The following CDC42SE2 variants were observed in gnomAD, a reference collection of about 807,000 sequenced individuals.
CDC42SE2 encodes the protein CDC42 small effector protein 2.
In CDC42SE2, 3 loss-of-function variants were observed where a neutral mutation model predicts 11.5. The ratio of observed to expected loss-of-function variants is 0.26; its 90% confidence interval spans 0.12 to 0.67. The LOEUF (loss-of-function observed/expected upper bound fraction) is 0.67, where lower values mean the gene tolerates loss of function less well. Ranked by LOEUF, CDC42SE2 falls within the 30% of genes least tolerant of loss-of-function variation. The pLI is 0.80. For synonymous variants in CDC42SE2, 33 were observed against 34.8 expected (o/e 0.95, Z 0.18); for missense variants, 82 against 106.8 (o/e 0.77, Z 1.02).
the CDC42SE2 span, among the ~76,000 whole-genome samples, chr5:131,214,176 C>T: frequency 1.3e-5 from 2 of 151,974 alleles, no homozygotes; most frequent in African/African-American, 4.8e-5. Flanking sequence ...AAGAAATAAC[C>T]AGGTATGAAA....
intron 1 of CDC42SE2, among the ~76,000 whole-genome samples, chr5:131,298,691 C>T (rs745384524): frequency 6.6e-6 from 1 of 151,674 alleles, no homozygotes; most frequent in Non-Finnish European, 1.5e-5. Context: ...TCTTTGGTAC[C>T]CCATAACAAG....
Position 131,289,838 on chromosome 5 carries a change from CT to C in CDC42SE2, c.-455+25683del, listed in dbSNP as rs879873763. Among the ~76,000 whole-genome samples the C allele has an allele frequency of 7.2e-3, 1,060 of 147,656 alleles. 8 individuals carry two copies. Among genetic ancestry groups the C allele is most frequent in the African/African-American group, 0.016 (661 of 40,542 alleles). ...AACTTGAGATGAATAAGAGAAATGACTTTTTTTTTTTCCTTCTTAGAAACAG... is the reference window on the plus strand; with the variant it reads ...AACTTGAGATGAATAAGAGAAATGACTTTTTTTTTTCCTTCTTAGAAACAG... On this transcript the variant is annotated intron_variant, in intron 1 of 4. Transcript: ENST00000505065.
At chr5:131,297,282 TCTTCTC>T (rs1461976686) in intron 1 of CDC42SE2, among the ~76,000 whole-genome samples, 1 of 152,084 alleles carries the variant, frequency 6.6e-6, no homozygotes, top group Non-Finnish European at 1.5e-5. Flanking sequence ...TTAGTTCCAT[TCTTCTC>T]CATTGTTTTT....
intron 3 of CDC42SE2, among the ~76,000 whole-genome samples, chr5:131,380,535 A>G (rs1260636784): frequency 6.6e-6 from 1 of 152,226 alleles, no homozygotes; most frequent in African/African-American, 2.4e-5. Flanking sequence ...TTTATAGTTT[A>G]GAATATTTAT....
chr5:131,349,479 T>TAA (rs968928299), intron 2 of CDC42SE2, among the ~76,000 whole-genome samples: 2 of 152,216 alleles, frequency 1.3e-5, no homozygotes, highest in African/African-American at 4.8e-5. Flanking sequence ...CACTAGTACT[T>TAA]AAAGTATAAT....
chr5:131,247,141 T>G (rs1345943541), intron 1 of CDC42SE2, among the ~76,000 whole-genome samples: 3 of 152,170 alleles, frequency 2.0e-5, no homozygotes, highest in Non-Finnish European at 2.9e-5. Flanking sequence ...TAGTAGTACC[T>G]TTTATTGAGA....
the CDC42SE2 span, among the ~76,000 whole-genome samples, chr5:131,217,961 G>T: frequency 6.6e-6 from 1 of 152,128 alleles, no homozygotes; most frequent in Non-Finnish European, 1.5e-5. Flanking sequence ...GATTGCTTAA[G>T]CTGAGGAGTT....
chr5:131,353,038 G>T (rs151009522), intron 2 of CDC42SE2, among the ~76,000 whole-genome samples: 1 of 152,052 alleles, frequency 6.6e-6, no homozygotes, highest in African/African-American at 2.4e-5. Context: ...GCGTCTTGGT[G>T]TACTGCAGCC....
chr5:131,354,603 G>C (rs1275007728), intron 2 of CDC42SE2: 1 of 152,008 alleles, frequency 6.6e-6, no homozygotes, highest in Non-Finnish European at 1.5e-5. Flanking sequence ...ATTTTGTTTT[G>C]TGTAAAACCA....
chr5:131,293,018 T>C (rs1434190301), intron 1 of CDC42SE2, among the ~76,000 whole-genome samples: 1 of 151,418 alleles, frequency 6.6e-6, no homozygotes, highest in African/African-American at 2.4e-5. Context: ...ATTTTGATAA[T>C]ACTACTTGCA....
chr5:131,251,834 G>T (rs1414934620), intron 1 of CDC42SE2, among the ~76,000 whole-genome samples: 1 of 152,094 alleles, frequency 6.6e-6, no homozygotes, highest in Non-Finnish European at 1.5e-5. Context: ...GACACATAGT[G>T]AGACCTCGTC....
chr5:131,328,977 T>C (rs1758354880), intron 2 of CDC42SE2, among the ~76,000 whole-genome samples: 1 of 152,188 alleles, frequency 6.6e-6, no homozygotes, highest in Admixed American at 6.5e-5. Flanking sequence ...AGATTATAAC[T>C]CACTACCAGC....
intron 2 of CDC42SE2, among the ~76,000 whole-genome samples, chr5:131,325,834 T>C (rs1015414537): frequency 3.3e-5 from 5 of 152,214 alleles, no homozygotes; most frequent in Non-Finnish European, 7.3e-5. Context: ...CAGATTTCCC[T>C]TTCACTACAT....
chr5:131,288,718 T>A (rs1757391599), intron 1 of CDC42SE2, among the ~76,000 whole-genome samples: 1 of 152,228 alleles, frequency 6.6e-6, no homozygotes. Context: ...GTACCATTTG[T>A]TGCTTGCAAC....
chr5:131,316,058 C>T lies in CDC42SE2; in HGVS notation c.-372C>T, dbSNP rs1166565479. The T allele has an allele frequency of 6.6e-6, 1 of 152,308 alleles. No individual in the cohort carries two copies. Among genetic ancestry groups the T allele is most frequent in the African/African-American group, 2.4e-5 (1 of 41,428 alleles). The allele number at this position is 152,308 out of a possible 1,614,324, so 9.4% of individuals were successfully genotyped here. Reference sequence around the variant, plus strand: ...GAAATCTGCAAGGAATAACTACTGACAGTGAATCTGCGGTCATCTGTATGC... The same window carrying T: ...GAAATCTGCAAGGAATAACTACTGATAGTGAATCTGCGGTCATCTGTATGC... On this transcript the variant is annotated 5_prime_UTR_variant, in exon 2 of 5. Coordinates refer to ENST00000505065, the MANE Select transcript of CDC42SE2 (RefSeq NM_001375635.1).
rs1758879960 is a variant in CDC42SE2, at chr5:131,347,574, A to G, written c.-285-11635A>G. Among the ~76,000 whole-genome samples, 3 of 152,298 alleles carry G rather than the reference A, an allele frequency of 2.0e-5. No homozygotes were observed. The South Asian group carries it at 6.2e-4, about 32-fold the overall frequency. Reference sequence around the variant, plus strand: ...CAGCCGAATTCTACCAGAGGTACAAAGAGGAGCTGGTACCATTCCTTCTGA... The same window carrying G: ...CAGCCGAATTCTACCAGAGGTACAAGGAGGAGCTGGTACCATTCCTTCTGA... On this transcript the variant is annotated intron_variant, in intron 2 of 4. Transcript: ENST00000505065.
chr5:131,247,867 C>T (rs1318720052), intron 1 of CDC42SE2, among the ~76,000 whole-genome samples: 1 of 152,032 alleles, frequency 6.6e-6, no homozygotes, highest in Non-Finnish European at 1.5e-5. Context: ...TCTTGAAATC[C>T]AGGCTCCAAG....
At chr5:131,256,129 A>G (rs1405049790) in intron 2 of CDC42SE2, among the ~76,000 whole-genome samples, 1 of 152,226 alleles carries the variant, frequency 6.6e-6, no homozygotes, top group East Asian at 1.9e-4. Flanking sequence ...AAATGAGAGG[A>G]CTACCAGCTT....
chr5:131,318,795 A>T (rs1758102297), intron 2 of CDC42SE2, among the ~76,000 whole-genome samples: 2 of 152,196 alleles, frequency 1.3e-5, no homozygotes, highest in South Asian at 4.1e-4. Context: ...ACCCTCAATT[A>T]TACATCTGCA....
Sources: allele counts gnomAD v4.1 joint callset (sites outside exome capture counted in the v4.1 genomes callset), GRCh38; gene constraint gnomAD v4.1.1; transcripts MANE v1.5; gene names NCBI Gene and HGNC (gene_info 2026-07-23, HGNC 2026-07-21).